PTPRN2: variants seen among roughly 807,000 people sequenced by gnomAD.
PTPRN2 encodes the protein receptor-type tyrosine-protein phosphatase N2.
In PTPRN2, 74 loss-of-function variants were observed where a neutral mutation model predicts 118.8. The observed-to-expected ratio is 0.62, with a 90% CI of 0.52 to 0.76. The LOEUF (loss-of-function observed/expected upper bound fraction) is 0.76. Ranked by LOEUF, PTPRN2 falls within the 30% of genes least tolerant of loss-of-function variation. The probability of loss-of-function intolerance (pLI) is 0.00; values close to 1 mark genes in which losing one functional copy is unlikely to be tolerated. For missense variants in PTPRN2, 1,481 were observed against 1,394.4 expected (o/e 1.06, Z -0.99); for synonymous variants, 641 against 608.0 (o/e 1.05, Z -0.80).
chr7:158,016,232 G>T (rs1469783987), intron 11 of PTPRN2, among the ~76,000 whole-genome samples: 1 of 152,208 alleles, frequency 6.6e-6, no homozygotes, highest in African/African-American at 2.4e-5. Flanking sequence ...GGGAGGTCCG[G>T]ATGACTTTCC....
intron 3 of PTPRN2, among the ~76,000 whole-genome samples, chr7:158,294,086 C>T (rs368907784): frequency 2.6e-4 from 39 of 152,168 alleles, no homozygotes; most frequent in African/African-American, 8.7e-4. Context: ...GCAGTTGGCT[C>T]GTCTACACCA....
intron 2 of PTPRN2, among the ~76,000 whole-genome samples, chr7:158,355,625 G>A (rs1255145844): frequency 6.6e-6 from 1 of 152,232 alleles, no homozygotes; most frequent in Non-Finnish European, 1.5e-5. Flanking sequence ...GCCCGCAGCA[G>A]TGCAGAGGGA....
At chr7:158,073,575 C>T (rs1038306475) in intron 11 of PTPRN2, among the ~76,000 whole-genome samples, 5 of 152,154 alleles carry the variant, frequency 3.3e-5, no homozygotes, top group South Asian at 2.1e-4. Flanking sequence ...CCTTTCTATG[C>T]GGAGATGAAG....
At chr7:158,020,057 C>T (rs1162211556) in intron 11 of PTPRN2, among the ~76,000 whole-genome samples, 1 of 152,234 alleles carries the variant, frequency 6.6e-6, no homozygotes, top group African/African-American at 2.4e-5. Flanking sequence ...GCAGCTCATC[C>T]TCTTGGTGAG....
chr7:158,567,381 G>T (rs987977438), intron 1 of PTPRN2, among the ~76,000 whole-genome samples: 3 of 152,184 alleles, frequency 2.0e-5, no homozygotes, highest in Admixed American at 2.0e-4. Context: ...GCCTGCGATT[G>T]CATTTTCCAC....
At chr7:157,557,686 T>C (rs1033375622) in intron 21 of PTPRN2, among the ~76,000 whole-genome samples, 1 of 152,122 alleles carries the variant, frequency 6.6e-6, no homozygotes, top group Non-Finnish European at 1.5e-5. Context: ...CTAGATAAAT[T>C]ATATTGTCTA....
At chr7:157,577,329 A>G (rs1800111409) in intron 18 of PTPRN2, among the ~76,000 whole-genome samples, 1 of 152,176 alleles carries the variant, frequency 6.6e-6, no homozygotes, top group Non-Finnish European at 1.5e-5. Flanking sequence ...TGTGTGGTTT[A>G]AGGTTCACAC....
intron 11 of PTPRN2, among the ~76,000 whole-genome samples, chr7:158,008,211 C>T (rs1228932744): frequency 6.6e-6 from 1 of 152,018 alleles, no homozygotes; most frequent in African/African-American, 2.4e-5. Flanking sequence ...CATGTGCATA[C>T]ACACTGCCTG....
intron 2 of PTPRN2, among the ~76,000 whole-genome samples, chr7:158,419,695 C>T (rs1402316649): frequency 6.6e-6 from 1 of 152,176 alleles, no homozygotes; most frequent in East Asian, 1.9e-4. Flanking sequence ...ATTCACAAGC[C>T]TCCAGCACTC....
At chr7:158,026,617 C>G (rs1402808373) in intron 11 of PTPRN2, among the ~76,000 whole-genome samples, 1 of 152,182 alleles carries the variant, frequency 6.6e-6, no homozygotes, top group Non-Finnish European at 1.5e-5. Context: ...AAACCGAGAC[C>G]CTCTTCCACG....
chr7:157,688,348 C>G (rs140387666), intron 12 of PTPRN2, among the ~76,000 whole-genome samples: 15 of 152,336 alleles, frequency 9.8e-5, no homozygotes, highest in African/African-American at 3.1e-4. Flanking sequence ...TACTGATGTC[C>G]AAAGGGGGAA....
intron 3 of PTPRN2, among the ~76,000 whole-genome samples, chr7:158,298,901 C>T (rs1019072803): frequency 2.0e-5 from 3 of 152,142 alleles, no homozygotes; most frequent in Admixed American, 6.5e-5. Context: ...GGCCAGCACC[C>T]AAATACCTCC....
At chr7:157,773,339 CA>C (rs1803000243) in intron 12 of PTPRN2, among the ~76,000 whole-genome samples, 1 of 152,166 alleles carries the variant, frequency 6.6e-6, no homozygotes, top group Admixed American at 6.5e-5. Flanking sequence ...GCCTAGAAAA[CA>C]AACAGGAGAG....
At chr7:157,812,089 C>T (rs1470521289) in intron 12 of PTPRN2, among the ~76,000 whole-genome samples, 1 of 152,196 alleles carries the variant, frequency 6.6e-6, no homozygotes, top group Non-Finnish European at 1.5e-5. Flanking sequence ...GCCGGGCTCC[C>T]CTTATCAACC....
chr7:158,403,730 C>T (rs1295714253), intron 2 of PTPRN2, among the ~76,000 whole-genome samples: 1 of 152,154 alleles, frequency 6.6e-6, no homozygotes, highest in Non-Finnish European at 1.5e-5. Flanking sequence ...GGGGAGGGGT[C>T]CTGCACCCCC....
chr7:157,859,966 T>C (rs1197369844), intron 12 of PTPRN2, among the ~76,000 whole-genome samples: 1 of 101,148 alleles, frequency 9.9e-6, no homozygotes, highest in African/African-American at 4.1e-5. Flanking sequence ...CTGTACACAC[T>C]CCTGCAGGGA....
At chr7:157,775,516 C>T (rs1803149370) in intron 12 of PTPRN2, among the ~76,000 whole-genome samples, 1 of 152,248 alleles carries the variant, frequency 6.6e-6, no homozygotes, top group South Asian at 2.1e-4. Context: ...GGACTCGATG[C>T]CTCGAGGAGA....
rs1804046113 is a variant in PTPRN2, at chr7:157,632,846, T to TATG, written c.2197-11340_2197-11338dup. On this transcript the variant is annotated intron_variant, in intron 14 of 22. Coordinates refer to ENST00000389418, the MANE Select transcript of PTPRN2 (RefSeq NM_002847.5). The surrounding 1 kb of genome is among the most constrained non-coding windows in gnomAD (Gnocchi z 4.3). ...TGGAAAATAATTCAGAGAATTATAC[T>TATG]ATGTTTTCCATAAATGTACAGCTAT... 1.3e-5 allele frequency among the ~76,000 whole-genome samples: 2 copies of TATG among 152,236 alleles called. No homozygotes were observed. Among genetic ancestry groups the TATG allele is most frequent in the Non-Finnish European group, 2.9e-5 (2 of 68,048 alleles).
At chr7:157,841,992 A>T (rs1047302770) in intron 12 of PTPRN2, among the ~76,000 whole-genome samples, 2 of 152,144 alleles carry the variant, frequency 1.3e-5, no homozygotes, top group African/African-American at 4.8e-5. Context: ...AAGGATCAAC[A>T]TCAAAATTGG....
Sources: allele counts gnomAD v4.1 joint callset (sites outside exome capture counted in the v4.1 genomes callset), GRCh38; gene constraint gnomAD v4.1.1; non-coding constraint Gnocchi (gnomAD v3.1); transcripts MANE v1.5; gene names NCBI Gene and HGNC (gene_info 2026-07-23, HGNC 2026-07-21).